MED12L: variants seen among roughly 807,000 people sequenced by gnomAD.
The protein encoded by MED12L is mediator of RNA polymerase II transcription subunit 12-like protein.
A neutral mutation model predicts 281.3 loss-of-function variants in MED12L; 60 were observed. The ratio of observed to expected loss-of-function variants is 0.21; its 90% CI spans 0.17 to 0.26. MED12L has a LOEUF of 0.26. MED12L is among the 10% of genes least tolerant of loss of function. The probability of loss-of-function intolerance (pLI) is 1.00; values close to 1 mark genes in which losing one functional copy is unlikely to be tolerated. For missense variants in MED12L, 2,146 were observed against 2,680.9 expected (o/e 0.80, Z 4.41); for synonymous variants, 974 against 987.2 (o/e 0.99, Z 0.25).
At chr3:151,359,711 A>G (rs550556130) in intron 20 of MED12L, among the ~76,000 whole-genome samples, 1 of 152,274 alleles carries the variant, frequency 6.6e-6, no homozygotes, top group South Asian at 2.1e-4. Context: ...TTCGTCTTTA[A>G]TAATCTGTCA....
At chr3:151,247,010 C>A (rs1282232185) in intron 16 of MED12L, among the ~76,000 whole-genome samples, 1 of 152,200 alleles carries the variant, frequency 6.6e-6, no homozygotes. Context: ...CCAAAAAACA[C>A]ATGAAAAAAT....
At chr3:151,150,556 A>G (rs1179596011) in intron 5 of MED12L, among the ~76,000 whole-genome samples, 3 of 152,214 alleles carry the variant, frequency 2.0e-5, no homozygotes, top group East Asian at 1.9e-4. Context: ...CATCAGCCAT[A>G]TCAGTCCCTA....
rs144601414 is a variant in MED12L, at chr3:151,191,655, C to T, written c.1968+724C>T. On this transcript the variant is annotated intron_variant, in intron 14 of 44. Coordinates refer to ENST00000687756, the MANE Select transcript of MED12L (RefSeq NM_001393769.1). The stretch of plus-strand genomic sequence containing the variant: ...GGCACGGTGGCTGATGCCTGTAATC[C>T]CAGCACTTTGGGAGACTGAGGCGGG... Among the ~76,000 whole-genome samples, 4 of 152,158 alleles carry T rather than the reference C, an allele frequency of 2.6e-5. No individual in the cohort carries two copies. In the East Asian group the frequency reaches 7.7e-4, roughly 29 times the overall value.
At chr3:151,303,655 G>A (rs899796591) in intron 16 of MED12L, among the ~76,000 whole-genome samples, 1 of 152,032 alleles carries the variant, frequency 6.6e-6, no homozygotes, top group East Asian at 1.9e-4. Flanking sequence ...CCCAGCTACT[G>A]GGGAGGCTGA....
chr3:151,085,845 A>C lies in MED12L; in HGVS notation c.-221A>C, dbSNP rs1719085870. 6.6e-6 allele frequency: 1 copy of C among 151,734 alleles called. No homozygotes were observed. Among genetic ancestry groups the C allele is most frequent in the African/African-American group, 2.4e-5 (1 of 41,406 alleles). 9.4% of individuals were successfully genotyped at this position (151,734 alleles called of 1,614,324 possible). On this transcript the variant is annotated 5_prime_UTR_variant, in exon 1 of 45. Transcript: ENST00000687756. ...ATACCGCACAAATAAAATCAAATCC[A>C]AGTCCCCCATCCCAACCCGAATGAT...
At chr3:151,115,950 T>C (rs983101220) in intron 2 of MED12L, among the ~76,000 whole-genome samples, 1 of 150,128 alleles carries the variant, frequency 6.7e-6, no homozygotes, top group Admixed American at 6.7e-5. Flanking sequence ...TAATCCCAGC[T>C]ACTCGGGAGG....
chr3:151,191,490 C>G (rs1309842453), intron 14 of MED12L, among the ~76,000 whole-genome samples: 1 of 152,160 alleles, frequency 6.6e-6, no homozygotes, highest in Non-Finnish European at 1.5e-5. Flanking sequence ...TTATAATTTT[C>G]TGCCAAATTC....
At chr3:151,404,157 T>C (rs944191947) in intron 39 of MED12L, among the ~76,000 whole-genome samples, 13 of 152,240 alleles carry the variant, frequency 8.5e-5, no homozygotes, top group Non-Finnish European at 1.9e-4. Flanking sequence ...GAAGGTTCCG[T>C]GATTTCTATA....
At chr3:151,352,681 T>G (rs769601370) in intron 17 of MED12L, among the ~76,000 whole-genome samples, 5 of 152,146 alleles carry the variant, frequency 3.3e-5, no homozygotes, top group Non-Finnish European at 7.4e-5. Flanking sequence ...AGGTCTTGCC[T>G]AGGGGAATTT....
At chr3:151,178,157 C>CAA (rs10572929) in intron 11 of MED12L, among the ~76,000 whole-genome samples, 2,074 of 49,156 alleles carry the variant, frequency 0.042, 240 homozygotes, top group South Asian at 0.074. Context: ...GACTTGGTCT[C>CAA]AAAAAAAAAA....
chr3:151,367,970 G>A (rs1317046740), intron 24 of MED12L, among the ~76,000 whole-genome samples, 180 bp from the exon 25 acceptor site: 1 of 152,124 alleles, frequency 6.6e-6, no homozygotes, highest in Non-Finnish European at 1.5e-5. Flanking sequence ...AAACTGCTAT[G>A]TTACAGTCTG....
chr3:151,379,619 C>A (rs575182665), intron 31 of MED12L, among the ~76,000 whole-genome samples: 50 of 152,280 alleles, frequency 3.3e-4, no homozygotes, highest in African/African-American at 1.2e-3. Flanking sequence ...GCTCTACTAA[C>A]ACCCTGCTTT....
chr3:151,250,006 T>TA (rs1416509438), intron 16 of MED12L, among the ~76,000 whole-genome samples: 4 of 152,296 alleles, frequency 2.6e-5, no homozygotes, highest in Admixed American at 2.6e-4. Context: ...TCAAATAAAA[T>TA]AAAGCGAAAA....
chr3:151,337,725 T>C, intron 16 of MED12L: 1 of 1,255,478 alleles, frequency 8.0e-7, no homozygotes, highest in South Asian at 1.3e-5. Flanking sequence ...ATTAACTTAG[T>C]TGCTTCTTCG....
intron 16 of MED12L, among the ~76,000 whole-genome samples, chr3:151,332,404 A>G (rs1577351448): frequency 6.6e-6 from 1 of 152,238 alleles, no homozygotes; most frequent in East Asian, 1.9e-4. Flanking sequence ...AAATTGTTTT[A>G]AAAATTCCAT....
chr3:151,349,965 G>A, intron 16 of MED12L, 94 bp from the exon 17 acceptor site: 3 of 1,161,670 alleles, frequency 2.6e-6, no homozygotes, highest in Non-Finnish European at 3.6e-6. Context: ...CCGCAAGCCA[G>A]CATGGAGGTG....
chr3:151,120,223 C>CA lies in MED12L; in HGVS notation c.205-2549dup, dbSNP rs573211148. Among the ~76,000 whole-genome samples, 832 of 134,704 alleles carry CA rather than the reference C, an allele frequency of 6.2e-3. 10 individuals carry two copies. The highest frequency in any genetic ancestry group is 0.052 in the South Asian group (217 of 4,172). 88.4% of individuals were successfully genotyped at this position (134,704 alleles called of 152,430 possible). A position where few individuals can be genotyped will look rare whatever the true frequency, so the allele number is the denominator to read the frequency against. ...CCTGGATAAGAGAGTGAGACTGTCTCAAAAAAAAAAACAAAACGAAAAACC... is the reference window on the plus strand; with the variant it reads ...CCTGGATAAGAGAGTGAGACTGTCTCAAAAAAAAAAAACAAAACGAAAAACC... On this transcript the variant is annotated intron_variant, in intron 3 of 44. Transcript: ENST00000687756.
chr3:151,213,957 A>G (rs762305974), intron 16 of MED12L: 4 of 1,614,110 alleles, frequency 2.5e-6, no homozygotes, highest in Admixed American at 1.7e-5. Flanking sequence ...CAATTTTATA[A>G]TATCTGTCAA....
intron 23 of MED12L, among the ~76,000 whole-genome samples, chr3:151,367,110 C>T (rs2107936384): frequency 1.6e-5 from 1 of 61,128 alleles, no homozygotes; most frequent in South Asian, 8.5e-4. Context: ...TAATTTCCCC[C>T]TCTGTCCTTT....
Sources: gnomAD v4.1 joint callset for allele counts (sites outside exome capture counted in the v4.1 genomes callset) on GRCh38, gnomAD v4.1.1 for gene constraint, MANE v1.5 for transcripts, NCBI Gene and HGNC (gene_info 2026-07-23, HGNC 2026-07-21) for gene names.